SLIT2: variants seen among roughly 807,000 people sequenced by gnomAD.
SLIT2 encodes the protein slit homolog 2 protein.
A neutral mutation model predicts 185.7 loss-of-function variants in SLIT2; 41 were observed. That is an observed-to-expected ratio of 0.22 (90% CI 0.17 to 0.29). The LOEUF (loss-of-function observed/expected upper bound fraction) is 0.29, where lower values mean the gene tolerates loss of function less well. SLIT2 is among the 10% of genes least tolerant of loss of function. The pLI is 1.00. For missense variants in SLIT2, 1,571 were observed against 1,909.0 expected (o/e 0.82, Z 3.30); for synonymous variants, 693 against 680.2 (o/e 1.02, Z -0.29).
intron 34 of SLIT2, among the ~76,000 whole-genome samples, chr4:20,613,212 T>C (rs182002172): frequency 6.6e-6 from 1 of 152,268 alleles, no homozygotes; most frequent in East Asian, 1.9e-4. Flanking sequence ...CATATGTTCA[T>C]TGTAGCACCA....
chr4:20,579,014 A>G (rs1726302773), intron 29 of SLIT2, among the ~76,000 whole-genome samples: 1 of 152,102 alleles, frequency 6.6e-6, no homozygotes, highest in Non-Finnish European at 1.5e-5. Context: ...AGTCCAGCCA[A>G]GGTGGGCACA....
chr4:20,347,723 G>A (rs1179678883), intron 4 of SLIT2, among the ~76,000 whole-genome samples: 1 of 152,204 alleles, frequency 6.6e-6, no homozygotes, highest in East Asian at 1.9e-4. Flanking sequence ...AACTGAGAAG[G>A]CGAGAGAGCA....
At chr4:20,326,627 A>G (rs1719612951) in intron 4 of SLIT2, among the ~76,000 whole-genome samples, 2 of 151,876 alleles carry the variant, frequency 1.3e-5, no homozygotes, top group Non-Finnish European at 2.9e-5. Context: ...CTCTTTTAGT[A>G]AGACTTACTT....
chr4:20,528,637 T>A lies in SLIT2; in HGVS notation c.1463-312T>A, dbSNP rs917249277. On this transcript the variant is annotated intron_variant, in intron 15 of 36. Transcript: ENST00000504154. The surrounding 1 kb of genome is among the most constrained non-coding windows in gnomAD (Gnocchi z 4.2). Reference sequence around the variant, plus strand: ...ACTCCGAGAAAAAAAATAAACTTTTTAATAATTAATATCCATTGTGTGACT... The same window carrying A: ...ACTCCGAGAAAAAAAATAAACTTTTAAATAATTAATATCCATTGTGTGACT... Among the ~76,000 whole-genome samples the A allele has an allele frequency of 6.6e-6, 1 of 152,184 alleles. No individual in the cohort carries two copies. The highest frequency in any genetic ancestry group is 2.4e-5 in the African/African-American group (1 of 41,448).
At chr4:20,497,798 G>C (rs1406736468) in intron 9 of SLIT2, among the ~76,000 whole-genome samples, 3 of 152,246 alleles carry the variant, frequency 2.0e-5, no homozygotes, top group East Asian at 3.9e-4. Context: ...GGGGAAGACA[G>C]TGTTGGGAGC....
intron 20 of SLIT2, 42 bp downstream of exon 20, chr4:20,541,661 A>C (rs765349673): frequency 6.5e-7 from 1 of 1,534,912 alleles, no homozygotes; most frequent in East Asian, 2.2e-5. Flanking sequence ...AGGCATTCAC[A>C]TGCCTGTTCT....
chr4:20,508,379 T>G (rs1719394483), intron 9 of SLIT2, among the ~76,000 whole-genome samples: 1 of 152,026 alleles, frequency 6.6e-6, no homozygotes, highest in South Asian at 2.1e-4. Context: ...ATATCAATAC[T>G]AGTATAAAAG....
At chr4:20,475,994 T>C (rs1178186199) in intron 5 of SLIT2, among the ~76,000 whole-genome samples, 1 of 152,180 alleles carries the variant, frequency 6.6e-6, no homozygotes, top group Non-Finnish European at 1.5e-5. Context: ...GTAAATTACT[T>C]TGGGGTCCTC....
chr4:20,311,246 A>T (rs922769937), intron 4 of SLIT2, among the ~76,000 whole-genome samples: 22 of 152,236 alleles, frequency 1.4e-4, no homozygotes, highest in Non-Finnish European at 1.5e-4. Flanking sequence ...GTGTGGGAAA[A>T]GTTGGGAGCA....
chr4:20,398,093 A>T (rs1220856934), intron 4 of SLIT2, among the ~76,000 whole-genome samples: 1 of 151,832 alleles, frequency 6.6e-6, no homozygotes, highest in Non-Finnish European at 1.5e-5. Context: ...TGTGGCTCTC[A>T]GGAAAGAAAG....
intron 26 of SLIT2, among the ~76,000 whole-genome samples, chr4:20,556,451 G>A (rs1724261709): frequency 6.6e-6 from 1 of 151,598 alleles, no homozygotes; most frequent in Admixed American, 6.6e-5. Flanking sequence ...TTCCCTACAG[G>A]TATTTCTTGA....
intron 4 of SLIT2, among the ~76,000 whole-genome samples, chr4:20,351,446 A>G (rs1329077827): frequency 1.3e-5 from 2 of 152,260 alleles, no homozygotes; most frequent in East Asian, 1.9e-4. Flanking sequence ...CTCTTTTTCT[A>G]TTGCAATTTC....
At chr4:20,486,775 T>A (rs1717285000) in intron 7 of SLIT2, among the ~76,000 whole-genome samples, 1 of 152,138 alleles carries the variant, frequency 6.6e-6, no homozygotes, top group South Asian at 2.1e-4. Flanking sequence ...TTTGGTCTAA[T>A]AAAGTATTGA....
rs578062656 is a variant in SLIT2 at position 20,484,974 on chromosome 4, G to A, written c.540-1226G>A. On this transcript the variant is annotated intron_variant, in intron 6 of 36. Transcript: ENST00000504154. The surrounding 1 kb of genome is among the most constrained non-coding windows in gnomAD (Gnocchi z 4.3). ...TTCGCTCATTTCTGTTCTCTGCTCAGGCCCTGCAGTGAACTTGCAACCCCT... is the reference window on the plus strand; with the variant it reads ...TTCGCTCATTTCTGTTCTCTGCTCAAGCCCTGCAGTGAACTTGCAACCCCT... Among the ~76,000 whole-genome samples the A allele has an allele frequency of 6.6e-6, 1 of 152,160 alleles. No individual in the cohort carries two copies. The highest frequency in any genetic ancestry group is 1.9e-4 in the East Asian group (1 of 5,176).
chr4:20,597,105 G>A (rs187783928), intron 32 of SLIT2, among the ~76,000 whole-genome samples: 249 of 144,948 alleles, frequency 1.7e-3, no homozygotes, highest in African/African-American at 6.2e-3. Context: ...TTGCTCTGTC[G>A]CCCAGGCTGG....
chr4:20,386,801 C>T lies in SLIT2; in HGVS notation c.396-80951C>T, dbSNP rs1174114238. On this transcript the variant is annotated intron_variant, in intron 4 of 36. Transcript: ENST00000504154. ...AAATAGCTATGTGATGCATGATGAC[C>T]TCTCTTGTATGCAGATGGTTTTTGT... is the stretch of plus-strand genomic sequence containing the variant. Among the ~76,000 whole-genome samples the T allele has an allele frequency of 3.9e-5, 6 of 152,172 alleles. No homozygotes were observed. The South Asian group carries it at 8.3e-4, about 21-fold the overall frequency.
rs1053758924 is a variant in SLIT2, at chr4:20,590,185, G to A, written c.3182+448G>A. On this transcript the variant is annotated intron_variant, in intron 30 of 36. Coordinates refer to ENST00000504154, the MANE Select transcript of SLIT2 (RefSeq NM_004787.4). ...CTCCCAAAGTGCTGGGATTACAGGC[G>A]TGAGCCACCGCGCCCAGCCCCAGAC... Among the ~76,000 whole-genome samples the A allele has an allele frequency of 5.3e-5, 8 of 152,108 alleles. No homozygotes were observed. The South Asian group carries it at 8.3e-4, about 16-fold the overall frequency.
chr4:20,384,879 G>A (rs1724808596), intron 4 of SLIT2, among the ~76,000 whole-genome samples: 1 of 152,172 alleles, frequency 6.6e-6, no homozygotes, highest in South Asian at 2.1e-4. Flanking sequence ...AAGGGCCTGA[G>A]ACACATTCTG....
chr4:20,407,491 C>A (rs10008965), intron 4 of SLIT2, among the ~76,000 whole-genome samples: 4 of 152,044 alleles, frequency 2.6e-5, no homozygotes, highest in Admixed American at 2.0e-4. Flanking sequence ...GATATCTTCC[C>A]CCTCCCTGGC....
Sources: gnomAD v4.1 joint callset for allele counts (sites outside exome capture counted in the v4.1 genomes callset) on GRCh38, gnomAD v4.1.1 for gene constraint, Gnocchi (gnomAD v3.1) non-coding constraint, MANE v1.5 for transcripts, NCBI Gene and HGNC (gene_info 2026-07-23, HGNC 2026-07-21) for gene names.